CCDC85A: variants seen among roughly 807,000 people sequenced by gnomAD.
CCDC85A encodes coiled-coil domain-containing protein 85A.
In CCDC85A, 38 loss-of-function variants were observed where a neutral mutation model predicts 50.2. That is an observed-to-expected ratio of 0.76 (90% CI 0.58 to 0.99). CCDC85A has a LOEUF of 0.99. Ranked by LOEUF, CCDC85A falls within the 50% of genes least tolerant of loss-of-function variation. CCDC85A has a pLI of 0.00. For missense variants in CCDC85A, 820 were observed against 742.0 expected, an observed-to-expected ratio of 1.11 and a Z score of -1.22; for synonymous variants, 366 against 301.4, an observed-to-expected ratio of 1.21 and a Z score of -2.22.
chr2:56,209,296 C>T (rs781512465), intron 2 of CCDC85A, among the ~76,000 whole-genome samples: 1 of 152,076 alleles, frequency 6.6e-6, no homozygotes, highest in Non-Finnish European at 1.5e-5. Flanking sequence ...CTTTTCTGTG[C>T]TCCTTATAAA....
At chr2:56,270,604 G>T (rs1670655151) in intron 2 of CCDC85A, among the ~76,000 whole-genome samples, 1 of 152,182 alleles carries the variant, frequency 6.6e-6, no homozygotes, top group Non-Finnish European at 1.5e-5. Context: ...AGTCATTTTT[G>T]TAGTTATTTT....
chr2:56,304,623 A>G (rs1449220857), intron 2 of CCDC85A, among the ~76,000 whole-genome samples: 1 of 152,188 alleles, frequency 6.6e-6, no homozygotes, highest in Non-Finnish European at 1.5e-5. Context: ...GTAAATGTAC[A>G]AAAAATAGGG....
At chr2:56,200,701 T>G (rs951206241) in intron 2 of CCDC85A, among the ~76,000 whole-genome samples, 3 of 152,182 alleles carry the variant, frequency 2.0e-5, no homozygotes, top group African/African-American at 7.2e-5. Flanking sequence ...GTCATTCTTA[T>G]AAAGGCAATA....
chr2:56,377,169 T>C (rs1275861757), intron 5 of CCDC85A, among the ~76,000 whole-genome samples: 1 of 152,220 alleles, frequency 6.6e-6, no homozygotes, highest in Non-Finnish European at 1.5e-5. Flanking sequence ...TCTGTCTTTG[T>C]TGGAATAATT....
intron 2 of CCDC85A, among the ~76,000 whole-genome samples, chr2:56,275,911 T>G (rs950673325): frequency 6.6e-6 from 1 of 152,172 alleles, no homozygotes; most frequent in Non-Finnish European, 1.5e-5. Flanking sequence ...GTTTTGGTAT[T>G]TTTGTAGGTC....
intron 2 of CCDC85A, among the ~76,000 whole-genome samples, chr2:56,303,404 T>G (rs1672294877): frequency 6.6e-6 from 1 of 152,192 alleles, no homozygotes; most frequent in Admixed American, 6.6e-5. Flanking sequence ...TCTCAATTCC[T>G]GGCACAGTAC....
intron 2 of CCDC85A, among the ~76,000 whole-genome samples, chr2:56,329,107 C>G (rs1673629061): frequency 6.6e-6 from 1 of 152,154 alleles, no homozygotes; most frequent in Admixed American, 6.5e-5. Context: ...TCTCCCTTCC[C>G]CCCTCATTTC....
At chr2:56,371,678 CT>C (rs1208856358) in intron 3 of CCDC85A, among the ~76,000 whole-genome samples, 2 of 151,998 alleles carry the variant, frequency 1.3e-5, no homozygotes, top group South Asian at 4.1e-4. Flanking sequence ...AAATTAAGGA[CT>C]TTTTTCTTTT....
intron 3 of CCDC85A, among the ~76,000 whole-genome samples, chr2:56,371,706 C>G (rs1676082007): frequency 6.6e-6 from 1 of 151,866 alleles, no homozygotes; most frequent in Admixed American, 6.6e-5. Flanking sequence ...TGTGATGCCT[C>G]TAGTTCTAAT....
At chr2:56,349,064 C>G (rs1023990768) in intron 3 of CCDC85A, among the ~76,000 whole-genome samples, 19 of 152,274 alleles carry the variant, frequency 1.2e-4, no homozygotes, top group African/African-American at 4.3e-4. Context: ...AATTACCATT[C>G]TGGCACTCCT....
At chr2:56,298,413 G>T (rs760288538) in intron 2 of CCDC85A, among the ~76,000 whole-genome samples, 1 of 151,980 alleles carries the variant, frequency 6.6e-6, no homozygotes, top group African/African-American at 2.4e-5. Context: ...TATAGGCTGC[G>T]TTTGGAAAAA....
At position 56,337,791 on chromosome 2, in the gene CCDC85A, TC is replaced by T. The variant is rs1674149485; in HGVS notation, c.1241-5087del. 3.3e-5 allele frequency among the ~76,000 whole-genome samples: 5 copies of T among 151,724 alleles called. No homozygotes were observed. The South Asian group carries it at 1.0e-3, about 31-fold the overall frequency. On this transcript the variant is annotated intron_variant, in intron 2 of 5. Coordinates refer to ENST00000407595, the MANE Select transcript of CCDC85A (RefSeq NM_001080433.2). Reference sequence around the variant, plus strand: ...CTTGAATATAGGCTCCTTTTTTTTTTCTTTTTTTTTTGAGACAGAGTATGGC... The same window carrying T: ...CTTGAATATAGGCTCCTTTTTTTTTTTTTTTTTTTTGAGACAGAGTATGGC...
chr2:56,206,965 GT>G (rs61193926), intron 2 of CCDC85A, among the ~76,000 whole-genome samples: 124,868 of 152,060 alleles, frequency 0.82, 51,310 homozygotes, highest in Admixed American at 0.84. Context: ...AAGGTGTACT[GT>G]TTTTTTGGGG....
intron 2 of CCDC85A, among the ~76,000 whole-genome samples, chr2:56,269,003 CTTGGAACACT>C (rs1230610808): frequency 2.9e-4 from 44 of 152,256 alleles, no homozygotes; most frequent in African/African-American, 1.0e-3. Context: ...TTCTGTAAGA[CTTGGAACACT>C]TTTCCATAGA....
intron 2 of CCDC85A, among the ~76,000 whole-genome samples, chr2:56,278,299 G>T (rs1364018035): frequency 6.6e-6 from 1 of 151,816 alleles, no homozygotes; most frequent in African/African-American, 2.4e-5. Flanking sequence ...AGTCTGAATG[G>T]GTCTGGGTAC....
At chr2:56,234,566 G>T (rs116799783) in intron 2 of CCDC85A, among the ~76,000 whole-genome samples, 2 of 151,626 alleles carry the variant, frequency 1.3e-5, no homozygotes, top group Admixed American at 1.3e-4. Flanking sequence ...TTCCCATATC[G>T]ATTCATCTTG....
intron 2 of CCDC85A, among the ~76,000 whole-genome samples, chr2:56,256,443 TATC>T (rs976696322): frequency 6.6e-6 from 1 of 152,228 alleles, no homozygotes; most frequent in Non-Finnish European, 1.5e-5. Flanking sequence ...TGATCAGTGT[TATC>T]ATTTTAAAAC....
intron 2 of CCDC85A, among the ~76,000 whole-genome samples, chr2:56,341,533 G>C (rs1674371415): frequency 6.6e-6 from 1 of 152,130 alleles, no homozygotes; most frequent in South Asian, 2.1e-4. Context: ...GTTGTGTGAT[G>C]AATGAATTGC....
intron 1 of CCDC85A, among the ~76,000 whole-genome samples, chr2:56,189,228 C>T (rs1303185275): frequency 6.6e-6 from 1 of 151,588 alleles, no homozygotes. Flanking sequence ...TATTCATTTT[C>T]CCTGGCAAAG....
Sources: allele counts gnomAD v4.1 joint callset (sites outside exome capture counted in the v4.1 genomes callset), GRCh38; gene constraint gnomAD v4.1.1; transcripts MANE v1.5; gene names NCBI Gene and HGNC (gene_info 2026-07-23, HGNC 2026-07-21).